The following CTCFL variants were observed in gnomAD, a reference collection of about 807,000 sequenced individuals.
CTCFL encodes the protein CCCTC-binding factor like, also known as transcriptional repressor CTCFL.
A neutral mutation model predicts 67.4 loss-of-function variants in CTCFL; 36 were observed. The observed-to-expected ratio is 0.53, with a 90% CI of 0.41 to 0.71. CTCFL has a LOEUF of 0.71. Ranked by LOEUF, CTCFL falls within the 30% of genes least tolerant of loss-of-function variation. The pLI is 0.00. For missense variants in CTCFL, 786 were observed against 835.2 expected (o/e 0.94, Z 0.73); for synonymous variants, 324 against 302.3 (o/e 1.07, Z -0.75).
intron 8 of CTCFL, among the ~76,000 whole-genome samples, chr20:57,510,257 G>C (rs369521213): frequency 6.6e-5 from 10 of 152,228 alleles, no homozygotes; most frequent in African/African-American, 2.4e-4. Flanking sequence ...CCTCTGAAGA[G>C]CTTTTATGTA....
At chr20:57,503,217 G>A (rs1057123067) in intron 10 of CTCFL, among the ~76,000 whole-genome samples, 2 of 152,222 alleles carry the variant, frequency 1.3e-5, no homozygotes, top group Non-Finnish European at 2.9e-5. Flanking sequence ...TCCTCGGGGT[G>A]GGGGCCACAC....
In CTCFL at chr20:57,503,498, T is replaced by G; in HGVS notation, c.1778A>C (p.Lys593Thr). 1.2e-6 allele frequency: 2 copies of G among 1,614,260 alleles called. No homozygotes were observed. The highest frequency in any genetic ancestry group is 1.7e-6 in the Non-Finnish European group (2 of 1,180,044). The stretch of plus-strand genomic sequence containing the variant: ...TTCCTTCTGACCCTTTGTGGCTTCC[T>G]TCAGGATGGTCTGCTTCCTCTTTCT... ...RTRKRKQTILKEATKGQKEAA... is the reference protein window; with the variant it reads ...RTRKRKQTILTEATKGQKEAA... The change falls in exon 10 of 11, where the codon AAG (lysine) becomes ACG (threonine). Residue 593 changes from lysine to threonine, a missense_variant. Physicochemically the swap from Lys to Thr is moderately conservative, Grantham distance 78. Coordinates refer to ENST00000243914, the MANE Select transcript of CTCFL (RefSeq NM_001386993.1).
At chr20:57,514,197 G>C (rs1238608925) in intron 7 of CTCFL, among the ~76,000 whole-genome samples, 1 of 152,178 alleles carries the variant, frequency 6.6e-6, no homozygotes, top group Admixed American at 6.5e-5. Context: ...GCCATAGATA[G>C]AGCACTGATA....
At chr20:57,497,094 G>GT (rs377182500), downstream of CTCFL, 1 of 309,330 alleles carries the variant, frequency 3.2e-6, no homozygotes, top group African/African-American at 2.3e-5. Context: ...GTGCACAACG[G>GT]TTCCAATTTC....
intron 9 of CTCFL, among the ~76,000 whole-genome samples, chr20:57,506,312 T>C (rs887772403): frequency 2.7e-5 from 4 of 149,834 alleles, no homozygotes; most frequent in African/African-American, 9.8e-5. Context: ...TGTTTTGTTT[T>C]GTTTTTTTCC....
intron 5 of CTCFL, among the ~76,000 whole-genome samples, chr20:57,516,330 G>T (rs2068922174): frequency 6.6e-6 from 1 of 152,100 alleles, no homozygotes; most frequent in African/African-American, 2.4e-5. Context: ...CTGAGCTGAG[G>T]AGTTTGAGAC....
In CTCFL at chr20:57,498,648, T is replaced by C. The variant is rs2067765976; in HGVS notation, c.1894A>G (p.Met632Val). 6.2e-7 allele frequency: 1 copy of C among 1,614,028 alleles called. No homozygotes were observed. The highest frequency in any genetic ancestry group is 1.3e-5 in the African/African-American group (1 of 74,926). The change falls in exon 11 of 11, where the codon ATG (methionine) becomes GTG (valine). Residue 632 changes from methionine (M) to valine (V), a missense_variant. Physicochemically the swap from Met to Val is conservative, Grantham distance 21. Coordinates refer to ENST00000243914, the MANE Select transcript of CTCFL (RefSeq NM_001386993.1). ...GTTTCTCTGCAGGCGACAGGAAACA[T>C]CTCTCCTGGGAACTGTTCTCCCTTC... ...TTKGEQFPGE[M>V]FPVACRETTA...
In CTCFL at chr20:57,497,702, G is replaced by A; in HGVS notation, c.*848C>T. On this transcript the variant is annotated 3_prime_UTR_variant, in exon 11 of 11. Coordinates refer to ENST00000243914, the MANE Select transcript of CTCFL (RefSeq NM_001386993.1). ...ACACATTTGCCTTATCTGATTTTAT[G>A]TTTCTTCTCACTCTGCCAATTATTT... The A allele has an allele frequency of 1.0e-6, 1 of 985,318 alleles. No individual in the cohort carries two copies. The highest frequency in any genetic ancestry group is 1.2e-6 in the Non-Finnish European group (1 of 829,820). The allele number at this position is 985,318 out of a possible 1,614,324, so 61.0% of individuals were successfully genotyped here. A position where few individuals can be genotyped will look rare whatever the true frequency, so the allele number is the denominator to read the frequency against.
intron 7 of CTCFL, among the ~76,000 whole-genome samples, chr20:57,512,968 T>C (rs978462426): frequency 2.0e-5 from 3 of 152,134 alleles, no homozygotes. Flanking sequence ...TTCTCCCCGG[T>C]TGTGAAAGCC....
chr20:57,505,643 A>C lies in CTCFL; in HGVS notation c.1675-2042T>G, dbSNP rs554870321. Among the ~76,000 whole-genome samples the C allele has an allele frequency of 3.3e-5, 5 of 152,354 alleles. No individual in the cohort carries two copies. In the East Asian group the frequency reaches 9.6e-4, roughly 29 times the overall value. On this transcript the variant is annotated intron_variant, in intron 9 of 10. Transcript: ENST00000243914. ...ATTCAATACATCAGTCAATTTCATA[A>C]CCATCAACTACATACCATAAAGATT...
At chr20:57,521,570 T>C (rs1222575813) in intron 3 of CTCFL, among the ~76,000 whole-genome samples, 1 of 152,178 alleles carries the variant, frequency 6.6e-6, no homozygotes, top group Non-Finnish European at 1.5e-5. Context: ...CTCCTAAGTA[T>C]ATACGCAAAA....
At chr20:57,505,447 G>A (rs1414187770) in intron 9 of CTCFL, among the ~76,000 whole-genome samples, 21 of 151,886 alleles carry the variant, frequency 1.4e-4, no homozygotes, top group Admixed American at 3.3e-4. Context: ...CAGTAGAGAT[G>A]GGGTTTCACC....
chr20:57,501,460 A>T (rs369062291), intron 10 of CTCFL, among the ~76,000 whole-genome samples: 1 of 152,046 alleles, frequency 6.6e-6, no homozygotes, highest in Admixed American at 6.6e-5. Context: ...AAGGGGCCTT[A>T]GATGGGAGGG....
chr20:57,507,396 C>T (rs2068268077), intron 9 of CTCFL: 1 of 593,890 alleles, frequency 1.7e-6, no homozygotes, highest in Admixed American at 2.9e-5. Flanking sequence ...CAGGGTTTCA[C>T]CATGTTGGCC....
chr20:57,512,928 G>A (rs1256873005), intron 7 of CTCFL, among the ~76,000 whole-genome samples, 176 bp from the exon 8 acceptor site: 1 of 152,180 alleles, frequency 6.6e-6, no homozygotes, highest in African/African-American at 2.4e-5. Flanking sequence ...CATTCCTGGT[G>A]TCTGTCTACC....
At chr20:57,505,296 T>C (rs554235572) in intron 9 of CTCFL, among the ~76,000 whole-genome samples, 63 of 151,816 alleles carry the variant, frequency 4.1e-4, no homozygotes, top group Admixed American at 5.3e-4. Context: ...TGCTCTTTCG[T>C]CTAGGCTGGA....
At chr20:57,503,652 A>G in intron 9 of CTCFL, 51 bp from the exon 10 acceptor site, 1 of 1,577,932 alleles carries the variant, frequency 6.3e-7, no homozygotes, top group Non-Finnish European at 8.6e-7. Flanking sequence ...TGGGGCAGGG[A>G]CCCCTCTCAG....
At chr20:57,507,681 G>A (rs901403770) in intron 9 of CTCFL, 11 of 702,912 alleles carry the variant, frequency 1.6e-5, no homozygotes, top group Non-Finnish European at 2.6e-5. Flanking sequence ...TCTGGCCCCA[G>A]TCCAGCCTTC....
chr20:57,518,685 T>G, intron 5 of CTCFL, 73 bp downstream of exon 5: 2 of 1,612,672 alleles, frequency 1.2e-6, no homozygotes, highest in Non-Finnish European at 1.7e-6. Context: ...CTACTGTTAG[T>G]TACACTTGGA....
Sources: allele counts gnomAD v4.1 joint callset (sites outside exome capture counted in the v4.1 genomes callset), GRCh38; gene constraint gnomAD v4.1.1; transcripts MANE v1.5; gene names NCBI Gene and HGNC (gene_info 2026-07-23, HGNC 2026-07-21).